The following FRMPD4 variants were observed in gnomAD, a reference collection of about 807,000 sequenced individuals.
FRMPD4 encodes FERM and PDZ domain containing 4, also known as FERM and PDZ domain-containing protein 4.
In FRMPD4, 22 loss-of-function variants were observed where a neutral mutation model predicts 94.1. The observed-to-expected ratio is 0.23, with a 90% CI of 0.17 to 0.33. The LOEUF is 0.33. FRMPD4 is among the 10% of genes least tolerant of loss of function. The pLI is 1.00. For synonymous variants in FRMPD4, 631 were observed against 548.6 expected (o/e 1.15, Z -2.10); for missense variants, 1,111 against 1,339.9 (o/e 0.83, Z 2.67).
At chrX:12,187,485 A>G (rs1021662439) in intron 1 of FRMPD4, among the ~76,000 whole-genome samples, 1 of 111,944 alleles carries the variant, frequency 8.9e-6, no homozygotes, top group African/African-American at 3.2e-5. Flanking sequence ...ATTTGTTTTT[A>G]AAACTAAAAT....
intron 8 of FRMPD4, among the ~76,000 whole-genome samples, chrX:12,691,114 C>G (rs1032511812): frequency 3.6e-5 from 4 of 111,683 alleles, no homozygotes. Context: ...AAGCTGGTGT[C>G]CCACACATTG....
chrX:12,611,173 C>T lies in FRMPD4; in HGVS notation c.319+1292C>T, dbSNP rs1042738583. Among the ~76,000 whole-genome samples the T allele has an allele frequency of 6.3e-5, 7 of 111,933 alleles. 1 individual carries two copies. Among genetic ancestry groups the T allele is most frequent in the Admixed American group, 5.7e-4 (6 of 10,548 alleles). ...TGGGCTGCCTTTACCTTTCCAGAAA[C>T]AATGTGCTTTTATTATTTATTTATT... On this transcript the variant is annotated intron_variant, in intron 3 of 16. Coordinates refer to ENST00000675598, the MANE Select transcript of FRMPD4 (RefSeq NM_001368397.1).
intron 1 of FRMPD4, among the ~76,000 whole-genome samples, chrX:11,840,735 A>AT (rs202150071): frequency 3.9e-5 from 4 of 103,107 alleles, no homozygotes; most frequent in South Asian, 4.1e-4. Context: ...TTTATTTTTT[A>AT]TTTTTTTTTA....
At chrX:12,678,256 T>C (rs1490274318) in intron 5 of FRMPD4, among the ~76,000 whole-genome samples, 1 of 112,741 alleles carries the variant, frequency 8.9e-6, no homozygotes, top group Non-Finnish European at 1.9e-5. Flanking sequence ...ATTGTTTTGC[T>C]ATTATAAATA....
chrX:12,298,998 C>G (rs2054816069), intron 1 of FRMPD4, among the ~76,000 whole-genome samples: 1 of 111,636 alleles, frequency 9.0e-6, no homozygotes, highest in Admixed American at 9.6e-5. Context: ...AGAAAACTCT[C>G]AAAACAACAC....
chrX:12,531,904 T>C (rs2058289455), intron 2 of FRMPD4, among the ~76,000 whole-genome samples: 1 of 111,937 alleles, frequency 8.9e-6, no homozygotes, highest in Non-Finnish European at 1.9e-5. Context: ...TTTTCCTCAC[T>C]ATTTCTTAGC....
intron 3 of FRMPD4, among the ~76,000 whole-genome samples, chrX:12,117,442 C>G (rs971748502): frequency 3.6e-5 from 4 of 110,602 alleles, no homozygotes; most frequent in African/African-American, 1.3e-4. Context: ...TCTTCTCTGC[C>G]GCCACCATTG....
chrX:12,504,727 C>T (rs912935991), intron 2 of FRMPD4, among the ~76,000 whole-genome samples: 6 of 112,242 alleles, frequency 5.3e-5, no homozygotes, highest in Admixed American at 9.4e-5. Flanking sequence ...CTCTATCATT[C>T]CAGATCTAAT....
At chrX:12,069,560 G>A (rs2054948925) in intron 3 of FRMPD4, among the ~76,000 whole-genome samples, 1 of 111,701 alleles carries the variant, frequency 9.0e-6, no homozygotes, top group African/African-American at 3.3e-5. Flanking sequence ...GTGAGATATA[G>A]GGTATGAATC....
At chrX:11,928,509 G>T (rs1328942282) in intron 3 of FRMPD4, among the ~76,000 whole-genome samples, 1 of 112,211 alleles carries the variant, frequency 8.9e-6, no homozygotes, top group Non-Finnish European at 1.9e-5. Flanking sequence ...CACATATGGG[G>T]ATTATGAGAA....
chrX:12,170,392 A>G (rs974065841), intron 1 of FRMPD4, among the ~76,000 whole-genome samples: 2 of 110,509 alleles, frequency 1.8e-5, no homozygotes, highest in Non-Finnish European at 3.8e-5. Context: ...TCCAGTAGAT[A>G]TGTGCATGTT....
intron 3 of FRMPD4, among the ~76,000 whole-genome samples, chrX:12,102,271 C>T (rs1475173979): frequency 1.8e-5 from 2 of 111,833 alleles, no homozygotes; most frequent in African/African-American, 3.2e-5. Flanking sequence ...GGAAAGGGCC[C>T]TTTTGTAAAT....
chrX:12,710,645 C>T (rs776361367), intron 14 of FRMPD4, 108 bp downstream of exon 14: 22 of 722,646 alleles, frequency 3.0e-5, no homozygotes, highest in Non-Finnish European at 3.8e-5. Flanking sequence ...CGGTGGCTCA[C>T]GCCTGTAATC....
At chrX:12,586,864 C>T (rs901054281) in intron 2 of FRMPD4, among the ~76,000 whole-genome samples, 4 of 111,851 alleles carry the variant, frequency 3.6e-5, no homozygotes, top group African/African-American at 1.3e-4. Flanking sequence ...AGGGAGCTTT[C>T]GTTTCCTTTA....
intron 1 of FRMPD4, among the ~76,000 whole-genome samples, chrX:11,852,097 C>G: frequency 9.0e-6 from 1 of 111,320 alleles, no homozygotes; most frequent in Non-Finnish European, 1.9e-5. Flanking sequence ...AACTTACTTT[C>G]TCACTGGATG....
At chrX:12,684,840 C>T (rs2060004877) in intron 6 of FRMPD4, among the ~76,000 whole-genome samples, 1 of 112,380 alleles carries the variant, frequency 8.9e-6, no homozygotes, top group Non-Finnish European at 1.9e-5. Flanking sequence ...TATAGCAGGA[C>T]TCCTGCAAGG....
chrX:11,982,894 C>T (rs940519947), intron 3 of FRMPD4, among the ~76,000 whole-genome samples: 5 of 111,583 alleles, frequency 4.5e-5, no homozygotes, highest in Non-Finnish European at 9.5e-5. Flanking sequence ...GGGTCTGATT[C>T]TGCTGTCTTA....
At chrX:12,070,619 G>A (rs2054958961) in intron 3 of FRMPD4, among the ~76,000 whole-genome samples, 2 of 111,930 alleles carry the variant, frequency 1.8e-5, no homozygotes, top group Non-Finnish European at 1.9e-5. Flanking sequence ...CACCACTAAA[G>A]TGAACCATAT....
chrX:12,089,242 G>C (rs1317567359), intron 3 of FRMPD4, among the ~76,000 whole-genome samples: 1 of 112,240 alleles, frequency 8.9e-6, no homozygotes, highest in East Asian at 2.8e-4. Context: ...GGGCTACTAT[G>C]AATGGTGTTG....
Sources: allele counts gnomAD v4.1 joint callset (sites outside exome capture counted in the v4.1 genomes callset), GRCh38; gene constraint gnomAD v4.1.1; transcripts MANE v1.5; gene names NCBI Gene and HGNC (gene_info 2026-07-23, HGNC 2026-07-21).